Variants in P2RX5 observed in about 807,000 individuals in gnomAD.
P2RX5 encodes P2X purinoceptor 5.
A neutral mutation model predicts 54.1 loss-of-function variants in P2RX5; 46 were observed. The observed-to-expected ratio is 0.85, with a 90% CI of 0.67 to 1.09. The LOEUF is 1.09. Ranked by LOEUF, P2RX5 falls within the 50% of genes least tolerant of loss-of-function variation. The probability of loss-of-function intolerance (pLI) is 0.00; values close to 1 mark genes in which losing one functional copy is unlikely to be tolerated. For missense variants in P2RX5, 566 were observed against 549.8 expected (o/e 1.03, Z -0.29); for synonymous variants, 226 against 226.4 (o/e 1.00, Z 0.02).
chr17:3,711,705 A>ATTT, the P2RX5 span, among the ~76,000 whole-genome samples: 2 of 131,738 alleles, frequency 1.5e-5, no homozygotes, highest in African/African-American at 5.7e-5. Context: ...TTATTTATTT[A>ATTT]TTTTTTTGAG....
At chr17:3,689,684 G>T (rs1269951669) in intron 6 of P2RX5, 54 bp from the exon 7 acceptor site, 64 of 1,611,482 alleles carry the variant, frequency 4.0e-5, no homozygotes, top group Non-Finnish European at 5.3e-5. Context: ...ATGTTTCCCG[G>T]CCTGGCCAGG....
upstream of P2RX5, among the ~76,000 whole-genome samples, chr17:3,698,914 A>T (rs1038642713): frequency 6.6e-6 from 1 of 151,756 alleles, no homozygotes; most frequent in Non-Finnish European, 1.5e-5. Flanking sequence ...AACCAGCATT[A>T]AAAAAAATAG....
chr17:3,695,410 T>A (rs2050729771), intron 1 of P2RX5, among the ~76,000 whole-genome samples: 2 of 151,778 alleles, frequency 1.3e-5, no homozygotes, highest in East Asian at 1.9e-4. Context: ...GGCTGATGAG[T>A]TTCTCCAGCT....
chr17:3,709,141 A>G, the P2RX5 span, among the ~76,000 whole-genome samples: 11 of 152,132 alleles, frequency 7.2e-5, no homozygotes, highest in East Asian at 1.2e-3. Flanking sequence ...TAGTAGAGAC[A>G]GGGTGTCACC....
Position 3,674,978 on chromosome 17 carries a change from C to T in P2RX5, c.1260-1101G>A, listed in dbSNP as rs753176969. ...TGTCTCAGCAGCATCTGGTCCAACA[C>T]CTGACATGTCACAGGGACTCCATAA... On this transcript the variant is annotated intron_variant, in intron 11 of 11. Coordinates refer to ENST00000225328, the MANE Select transcript of P2RX5 (RefSeq NM_002561.4). Among the ~76,000 whole-genome samples, 3 of 152,194 alleles carry T rather than the reference C, an allele frequency of 2.0e-5. No homozygotes were observed. In the East Asian group the frequency reaches 5.8e-4, roughly 29 times the overall value.
intron 3 of P2RX5, 39 bp from the exon 4 acceptor site, chr17:3,690,719 C>G: frequency 1.2e-6 from 2 of 1,601,708 alleles, no homozygotes; most frequent in South Asian, 1.1e-5. Flanking sequence ...GGGGGGTTCC[C>G]CCAGCTCAGA....
At chr17:3,691,344 G>A (rs185538833) in intron 2 of P2RX5, among the ~76,000 whole-genome samples, 2 of 152,216 alleles carry the variant, frequency 1.3e-5, no homozygotes, top group South Asian at 2.1e-4. Flanking sequence ...GACTTAGAAG[G>A]GGGGTTCTCT....
At chr17:3,690,844 G>A in intron 3 of P2RX5, 112 bp downstream of exon 3, 1 of 1,157,650 alleles carries the variant, frequency 8.6e-7, no homozygotes, top group East Asian at 2.5e-5. Context: ...GGTGCACACA[G>A]CCACCCGAGA....
intron 1 of P2RX5, 30 bp downstream of exon 1, chr17:3,695,839 C>A: frequency 1.2e-6 from 2 of 1,611,338 alleles, no homozygotes; most frequent in South Asian, 1.1e-5. Flanking sequence ...GCCCCTCCCC[C>A]GCCTTCCCAA....
intron 11 of P2RX5, among the ~76,000 whole-genome samples, chr17:3,678,623 A>G (rs778452050): frequency 6.6e-6 from 1 of 152,130 alleles, no homozygotes; most frequent in Non-Finnish European, 1.5e-5. Context: ...AGCCCAGTCT[A>G]TTTCTTGCTC....
At chr17:3,692,363 A>C (rs1179712890) in intron 1 of P2RX5, among the ~76,000 whole-genome samples, 1 of 152,144 alleles carries the variant, frequency 6.6e-6, no homozygotes. Flanking sequence ...ACCACTGTCC[A>C]CTCAGAGGCC....
At chr17:3,694,626 C>T (rs1353522947) in intron 1 of P2RX5, among the ~76,000 whole-genome samples, 1 of 152,204 alleles carries the variant, frequency 6.6e-6, no homozygotes, top group Non-Finnish European at 1.5e-5. Context: ...CCTGAGACCC[C>T]GAACCATGCT....
the P2RX5 span, among the ~76,000 whole-genome samples, chr17:3,704,413 C>T: frequency 2.0e-5 from 3 of 152,310 alleles, no homozygotes; most frequent in Non-Finnish European, 2.9e-5. Context: ...CAAGGCAACT[C>T]GCCCTTTTCC....
At chr17:3,691,098 C>T in intron 2 of P2RX5, 71 bp from the exon 3 acceptor site, 2 of 1,161,232 alleles carry the variant, frequency 1.7e-6, no homozygotes, top group Admixed American at 3.7e-5. Context: ...TCCAGCGTTA[C>T]CTGAAAGAGG....
intron 8 of P2RX5, 93 bp from the exon 9 acceptor site, chr17:3,688,198 C>G (rs1303784064): frequency 2.7e-6 from 2 of 745,132 alleles, no homozygotes; most frequent in Non-Finnish European, 4.8e-6. Context: ...CTTAGAAGGA[C>G]TCCCGGAACC....
At chr17:3,692,803 A>G (rs1018982737) in intron 1 of P2RX5, among the ~76,000 whole-genome samples, 28 of 152,284 alleles carry the variant, frequency 1.8e-4, no homozygotes, top group African/African-American at 6.3e-4. Context: ...GATTGTGCCC[A>G]GGTGACAGGG....
chr17:3,688,077 C>CGGCTG lies in P2RX5; in HGVS notation c.911_915dup (p.Gly306GlnfsTer9). 1 of 1,605,978 alleles carries CGGCTG rather than the reference C, an allele frequency of 6.2e-7. No homozygotes were observed. Among genetic ancestry groups the CGGCTG allele is most frequent in the East Asian group, 2.3e-5 (1 of 44,422 alleles). On this transcript the variant is annotated frameshift_variant, in exon 9 of 12. Coordinates refer to ENST00000225328, the MANE Select transcript of P2RX5 (RefSeq NM_002561.4). LOFTEE classifies it high-confidence loss of function. ...TTCATCAGGGTGCGGAACTCCACCC[C>CGGCTG]GGCTGCGTCTCGGTAATATCTGGCA... is the stretch of plus-strand genomic sequence containing the variant.
chr17:3,721,260 C>CTTTTT, the P2RX5 span, among the ~76,000 whole-genome samples: 16 of 46,220 alleles, frequency 3.5e-4, 1 homozygote, highest in Admixed American at 5.8e-4. Context: ...GAGATTTTTC[C>CTTTTT]TTTTTTTTTT....
At chr17:3,704,256 G>A in the P2RX5 span, among the ~76,000 whole-genome samples, 9 of 152,280 alleles carry the variant, frequency 5.9e-5, no homozygotes, top group African/African-American at 1.9e-4. Context: ...GAGGAGATTT[G>A]AATCTCTCCT....
Sources: allele counts gnomAD v4.1 joint callset (sites outside exome capture counted in the v4.1 genomes callset), GRCh38; gene constraint gnomAD v4.1.1; transcripts MANE v1.5; gene names NCBI Gene and HGNC (gene_info 2026-07-23, HGNC 2026-07-21).